Variants in CAMK2D observed in about 807,000 individuals in gnomAD.
CAMK2D encodes calcium/calmodulin-dependent protein kinase type II subunit delta.
CAMK2D carries 37 observed loss-of-function variants against 84.0 expected under a neutral mutation model. The observed-to-expected ratio is 0.44, with a 90% confidence interval of 0.34 to 0.58. The LOEUF is 0.58. Among genes scored for constraint, CAMK2D ranks in the 20% least tolerant of loss-of-function variants. The probability of loss-of-function intolerance (pLI) is 0.02; values close to 1 mark genes in which losing one functional copy is unlikely to be tolerated. For synonymous variants in CAMK2D, 202 were observed against 212.5 expected (o/e 0.95, Z 0.43); for missense variants, 448 against 652.5 (o/e 0.69, Z 3.41).
At chr4:113,759,794 G>A (rs760547424) in intron 1 of CAMK2D, among the ~76,000 whole-genome samples, 12 of 152,118 alleles carry the variant, frequency 7.9e-5, no homozygotes, top group Non-Finnish European at 1.6e-4. Context: ...ATTTTGGTAG[G>A]AAACAAAAAA....
intron 2 of CAMK2D, among the ~76,000 whole-genome samples, chr4:113,674,246 T>C (rs1173358247): frequency 6.6e-6 from 1 of 152,186 alleles, no homozygotes; most frequent in Non-Finnish European, 1.5e-5. Context: ...TTGATTCTGA[T>C]ATTGAATTTA....
chr4:113,632,101 T>G (rs2099092103), intron 3 of CAMK2D, among the ~76,000 whole-genome samples: 1 of 152,174 alleles, frequency 6.6e-6, no homozygotes, highest in Admixed American at 6.5e-5. Context: ...TATTATACAA[T>G]CAAAGCCTAT....
intron 3 of CAMK2D, among the ~76,000 whole-genome samples, chr4:113,622,549 GAGCCCAGGAGTTCGAGACC>G (rs531939751): frequency 0.011 from 1,683 of 152,286 alleles, 44 homozygotes; most frequent in African/African-American, 0.039. Flanking sequence ...AGTATCGCTT[GAGCCCAGGAGTTCGAGACC>G]AGCCCGGGCC....
intron 2 of CAMK2D, among the ~76,000 whole-genome samples, chr4:113,703,204 T>C (rs552102256): frequency 2.6e-5 from 4 of 152,204 alleles, no homozygotes; most frequent in Non-Finnish European, 5.9e-5. Flanking sequence ...CACCCTCAAG[T>C]AGTCGAGGGT....
intron 2 of CAMK2D, among the ~76,000 whole-genome samples, chr4:113,672,772 C>A (rs2099296050): frequency 6.6e-6 from 1 of 151,586 alleles, no homozygotes; most frequent in African/African-American, 2.4e-5. Context: ...CCTATACATA[C>A]ACACACACAA....
intron 3 of CAMK2D, among the ~76,000 whole-genome samples, chr4:113,640,969 GAA>G (rs983816921): frequency 6.6e-6 from 1 of 152,146 alleles, no homozygotes; most frequent in African/African-American, 2.4e-5. Context: ...ATGCTCTGTA[GAA>G]AACATTCCAC....
At chr4:113,725,482 C>G (rs1429276903) in intron 2 of CAMK2D, among the ~76,000 whole-genome samples, 1 of 152,002 alleles carries the variant, frequency 6.6e-6, no homozygotes, top group Non-Finnish European at 1.5e-5. Context: ...ATTTACTTTG[C>G]CTATAAAGGA....
chr4:113,502,325 C>T (rs886301722), intron 15 of CAMK2D, among the ~76,000 whole-genome samples: 2 of 151,692 alleles, frequency 1.3e-5, no homozygotes, highest in African/African-American at 4.8e-5. Context: ...ATATATATTA[C>T]TCAACAACAA....
chr4:113,724,532 T>A (rs2148672962), intron 2 of CAMK2D, among the ~76,000 whole-genome samples: 1 of 151,868 alleles, frequency 6.6e-6, no homozygotes, highest in South Asian at 2.1e-4. Flanking sequence ...GCCAGGTACA[T>A]CTATACTCTA....
chr4:113,611,252 T>C (rs977773038), intron 3 of CAMK2D, among the ~76,000 whole-genome samples: 1 of 152,164 alleles, frequency 6.6e-6, no homozygotes, highest in South Asian at 2.1e-4. Flanking sequence ...CTAATGATCA[T>C]TTAGTACAAT....
At chr4:113,753,932 T>C (rs2099622784) in intron 2 of CAMK2D, 2 of 983,600 alleles carry the variant, frequency 2.0e-6, no homozygotes, top group Admixed American at 6.2e-5. Flanking sequence ...TAGTACTTTA[T>C]TCATGCTTGA....
intron 2 of CAMK2D, among the ~76,000 whole-genome samples, chr4:113,719,504 A>G (rs2099523824): frequency 6.6e-6 from 1 of 152,208 alleles, no homozygotes; most frequent in Non-Finnish European, 1.5e-5. Context: ...GTGAATTGCT[A>G]TTAAAAGCCA....
intron 16 of CAMK2D, 45 bp downstream of exon 16, chr4:113,500,418 T>G: frequency 8.3e-7 from 1 of 1,202,196 alleles, no homozygotes. Flanking sequence ...CATATATATA[T>G]GTGAAGCTCT....
intron 3 of CAMK2D, among the ~76,000 whole-genome samples, chr4:113,633,046 G>A (rs2099096490): frequency 6.6e-6 from 1 of 152,116 alleles, no homozygotes; most frequent in Admixed American, 6.5e-5. Context: ...AAGATAATCT[G>A]GACATAAAGC....
Position 113,513,384 on chromosome 4 carries a change from T to C in CAMK2D, c.904-14A>G, listed in dbSNP as rs768015630. ...CAAGATGGCACCCTGTGAAAAAAAT[T>C]AGAACACAAAAGTCAGTGTTGCCTA... is the stretch of plus-strand genomic sequence containing the variant. On this transcript the variant is annotated splice_polypyrimidine_tract_variant and intron_variant, in intron 11 of 20. Coordinates refer to ENST00000511664, the MANE Select transcript of CAMK2D (RefSeq NM_001321571.2). The C allele has an allele frequency of 2.5e-6, 4 of 1,587,446 alleles. No individual in the cohort carries two copies. In the Admixed American group the frequency reaches 5.0e-5, roughly 20 times the overall value.
chr4:113,647,520 TTG>T (rs1211423760), intron 3 of CAMK2D, among the ~76,000 whole-genome samples: 10 of 152,252 alleles, frequency 6.6e-5, no homozygotes, highest in African/African-American at 2.4e-4. Context: ...CTATGGCATT[TTG>T]GAGCAGATAA....
At chr4:113,669,555 ACT>A (rs151134691) in intron 2 of CAMK2D, among the ~76,000 whole-genome samples, 3,364 of 151,770 alleles carry the variant, frequency 0.022, 52 homozygotes, top group East Asian at 0.077. Context: ...TGGGCAGGAA[ACT>A]CTGATTATAC....
At chr4:113,737,709 T>C (rs2099584427) in intron 2 of CAMK2D, among the ~76,000 whole-genome samples, 1 of 152,230 alleles carries the variant, frequency 6.6e-6, no homozygotes. Flanking sequence ...CTGTCCTTTA[T>C]ATTTTTGTTA....
chr4:113,691,751 A>AAAAAAT lies in CAMK2D; in HGVS notation c.161-29985_161-29980dup, dbSNP rs528809400. ...CTGGGCGACAGAGAGACTCCATCTC[A>AAAAAAT]AAAAATAAAAATAAAAATAAAAATA... On this transcript the variant is annotated intron_variant, in intron 2 of 20. Coordinates refer to ENST00000511664, the MANE Select transcript of CAMK2D (RefSeq NM_001321571.2). 5.1e-3 allele frequency among the ~76,000 whole-genome samples: 773 copies of AAAAAAT among 152,116 alleles called. 6 individuals carry two copies. The highest frequency in any genetic ancestry group is 0.017 in the African/African-American group (723 of 41,410).
Sources: gnomAD v4.1 joint callset for allele counts (sites outside exome capture counted in the v4.1 genomes callset) on GRCh38, gnomAD v4.1.1 for gene constraint, MANE v1.5 for transcripts, NCBI Gene and HGNC (gene_info 2026-07-23, HGNC 2026-07-21) for gene names.